The following CHRM3 variants were observed in gnomAD, a reference collection of about 807,000 sequenced individuals.
CHRM3 encodes muscarinic acetylcholine receptor M3.
In CHRM3, 11 loss-of-function variants were observed where a neutral mutation model predicts 41.8. The ratio of observed to expected loss-of-function variants is 0.26; its 90% CI spans 0.17 to 0.44. CHRM3 has a LOEUF of 0.44. CHRM3 is among the 20% of genes least tolerant of loss of function. CHRM3 has a pLI of 1.00. For missense variants in CHRM3, 571 were observed against 745.4 expected (o/e 0.77, Z 2.72); for synonymous variants, 297 against 301.4 (o/e 0.99, Z 0.15).
At chr1:239,584,059 A>G (rs1326367290) in intron 3 of CHRM3, among the ~76,000 whole-genome samples, 2 of 150,550 alleles carry the variant, frequency 1.3e-5, no homozygotes, top group South Asian at 2.1e-4. Flanking sequence ...AAATCAGAAC[A>G]TGGTTGTATT....
At chr1:239,859,369 G>A (rs1439838339) in intron 6 of CHRM3, among the ~76,000 whole-genome samples, 1 of 150,218 alleles carries the variant, frequency 6.7e-6, no homozygotes, top group East Asian at 1.9e-4. Flanking sequence ...ATGAAGTTGA[G>A]CATCTTTTTA....
rs149007443 is a variant in CHRM3 at position 239,725,850 on chromosome 1, G to A, written c.-147+47562G>A. Among the ~76,000 whole-genome samples the A allele has an allele frequency of 3.3e-5, 5 of 152,032 alleles. No homozygotes were observed. The East Asian group carries it at 9.7e-4, about 30-fold the overall frequency. ...AAAATAATGGCTTGAATTCAAGTGA[G>A]CAAATGTATAACTTGATTATGCAGA... On this transcript the variant is annotated intron_variant, in intron 5 of 6. Coordinates refer to ENST00000676153, the MANE Select transcript of CHRM3 (RefSeq NM_001375978.1).
At position 239,623,498 on chromosome 1, in the gene CHRM3, A is replaced by AT. The variant is rs532141328; in HGVS notation, c.-312-8714dup. ...TGGTGTATAAGTTTTTTTTTTTTTA[A>AT]TTTTTTTTTTTTATTATACTCTAAG... On this transcript the variant is annotated intron_variant, in intron 3 of 6. Coordinates refer to ENST00000676153, the MANE Select transcript of CHRM3 (RefSeq NM_001375978.1). Among the ~76,000 whole-genome samples the AT allele has an allele frequency of 9.3e-3, 1,183 of 126,742 alleles. 18 individuals carry two copies. The highest frequency in any genetic ancestry group is 0.02 in the African/African-American group (668 of 34,252). The allele number at this position is 126,742 out of a possible 152,430, so 83.1% of individuals were successfully genotyped here.
chr1:239,881,253 A>C (rs1336376440), intron 6 of CHRM3, among the ~76,000 whole-genome samples: 1 of 109,276 alleles, frequency 9.2e-6, no homozygotes, highest in Non-Finnish European at 1.7e-5. Flanking sequence ...CCTGCACTCC[A>C]GCCTGGGCGA....
intron 6 of CHRM3, among the ~76,000 whole-genome samples, chr1:239,881,164 T>C (rs1022908418): frequency 6.7e-6 from 1 of 149,876 alleles, no homozygotes; most frequent in African/African-American, 2.5e-5. Flanking sequence ...GCGCCTGTAG[T>C]CCCAGCTTCT....
chr1:239,622,552 T>C (rs1440950125), intron 3 of CHRM3, among the ~76,000 whole-genome samples: 1 of 152,106 alleles, frequency 6.6e-6, no homozygotes, highest in Non-Finnish European at 1.5e-5. Context: ...AAGACTTCGA[T>C]GAAGAAAGAA....
At chr1:239,643,018 G>C (rs1178351303) in intron 4 of CHRM3, among the ~76,000 whole-genome samples, 1 of 152,200 alleles carries the variant, frequency 6.6e-6, no homozygotes, top group African/African-American at 2.4e-5. Context: ...GTTGGAGTTT[G>C]CTAGAGGTCC....
At chr1:239,489,807 T>C (rs781476346) in intron 1 of CHRM3, among the ~76,000 whole-genome samples, 1 of 152,238 alleles carries the variant, frequency 6.6e-6, no homozygotes, top group African/African-American at 2.4e-5. Flanking sequence ...CCAGAACTTA[T>C]GAAAATGTTT....
chr1:239,838,748 T>C (rs1234694636), intron 6 of CHRM3, among the ~76,000 whole-genome samples: 1 of 152,176 alleles, frequency 6.6e-6, no homozygotes, highest in East Asian at 1.9e-4. Context: ...CTCATTGTAC[T>C]ACCAACAAGT....
chr1:239,525,125 G>C (rs1396376567), intron 2 of CHRM3, among the ~76,000 whole-genome samples: 1 of 152,124 alleles, frequency 6.6e-6, no homozygotes, highest in Non-Finnish European at 1.5e-5. Context: ...CTCTTTGAGA[G>C]GCCAAGGAGG....
intron 5 of CHRM3, among the ~76,000 whole-genome samples, chr1:239,718,129 T>A (rs1242338907): frequency 6.6e-6 from 1 of 152,020 alleles, no homozygotes; most frequent in Non-Finnish European, 1.5e-5. Context: ...AAAGCTTTAA[T>A]CAGCTGCTAC....
At chr1:239,600,045 A>G (rs999203256) in intron 3 of CHRM3, among the ~76,000 whole-genome samples, 1 of 152,154 alleles carries the variant, frequency 6.6e-6, no homozygotes, top group African/African-American at 2.4e-5. Flanking sequence ...CCTTCTTCTG[A>G]TTAAAAGCAG....
intron 6 of CHRM3, among the ~76,000 whole-genome samples, chr1:239,853,725 T>C (rs1356440478): frequency 6.6e-6 from 1 of 152,102 alleles, no homozygotes; most frequent in Admixed American, 6.6e-5. Context: ...CCTCTTCCTC[T>C]CCTCTATGCA....
intron 5 of CHRM3, among the ~76,000 whole-genome samples, chr1:239,685,936 T>C (rs1659098163): frequency 6.6e-6 from 1 of 151,788 alleles, no homozygotes; most frequent in Non-Finnish European, 1.5e-5. Context: ...CTCAACTGAA[T>C]GATGGGCAAC....
intron 2 of CHRM3, among the ~76,000 whole-genome samples, chr1:239,536,892 T>A (rs1003504331): frequency 2.6e-5 from 4 of 152,230 alleles, no homozygotes; most frequent in Non-Finnish European, 4.4e-5. Flanking sequence ...ATTTTGCAAC[T>A]GTTGATGTAT....
At chr1:239,570,068 C>A (rs1319784294) in intron 3 of CHRM3, among the ~76,000 whole-genome samples, 1 of 152,044 alleles carries the variant, frequency 6.6e-6, no homozygotes, top group Non-Finnish European at 1.5e-5. Flanking sequence ...GGCTCTTTGT[C>A]CCCACCCAAA....
At chr1:239,747,609 A>G (rs113765186) in intron 5 of CHRM3, among the ~76,000 whole-genome samples, 88 of 152,352 alleles carry the variant, frequency 5.8e-4, no homozygotes, top group African/African-American at 2.0e-3. Context: ...CATGGAAAGC[A>G]ATTTGAGAAA....
intron 5 of CHRM3, among the ~76,000 whole-genome samples, chr1:239,753,511 TTTA>T (rs1407074641): frequency 6.6e-6 from 1 of 152,132 alleles, no homozygotes; most frequent in African/African-American, 2.4e-5. Flanking sequence ...CGCCACACAC[TTTA>T]TGAGCATCAG....
At chr1:239,629,057 T>C (rs1573007229) in intron 3 of CHRM3, 2 of 84,598 alleles carry the variant, frequency 2.4e-5, no homozygotes, top group East Asian at 7.1e-4. Flanking sequence ...GCTGCTTTGT[T>C]TACCTAAGCA....
Sources: allele counts gnomAD v4.1 joint callset (sites outside exome capture counted in the v4.1 genomes callset), GRCh38; gene constraint gnomAD v4.1.1; transcripts MANE v1.5; gene names NCBI Gene and HGNC (gene_info 2026-07-23, HGNC 2026-07-21).